Variants in CEP89 observed in about 807,000 individuals in gnomAD.
CEP89 encodes the protein centrosomal protein 89, also known as centrosomal protein of 89 kDa.
In CEP89, 95 loss-of-function variants were observed where a neutral mutation model predicts 97.6. The observed-to-expected ratio is 0.97, with a 90% CI of 0.82 to 1.15. The LOEUF (loss-of-function observed/expected upper bound fraction) is 1.15. Among genes scored for constraint, CEP89 ranks in the 50% most tolerant of loss-of-function variants. The pLI is 0.00. For synonymous variants in CEP89, 354 were observed against 349.1 expected, an observed-to-expected ratio of 1.01 and a Z score of -0.16; for missense variants, 869 against 947.7, an observed-to-expected ratio of 0.92 and a Z score of 1.09.
At chr19:32,949,004 A>G (rs889302316) in intron 4 of CEP89, among the ~76,000 whole-genome samples, 1 of 152,174 alleles carries the variant, frequency 6.6e-6, no homozygotes, top group African/African-American at 2.4e-5. Flanking sequence ...CAGGGATTAC[A>G]GATGACAGCC....
chr19:32,926,883 T>A (rs766793824), intron 10 of CEP89, 51 bp downstream of exon 10: 5 of 1,540,492 alleles, frequency 3.2e-6, no homozygotes, highest in Non-Finnish European at 4.5e-6. Flanking sequence ...TTAATAGCTA[T>A]GCAAATATAC....
chr19:32,967,555 G>T (rs1599788830), intron 1 of CEP89, among the ~76,000 whole-genome samples: 1 of 144,230 alleles, frequency 6.9e-6, no homozygotes, highest in Non-Finnish European at 1.5e-5. Flanking sequence ...AAACACTATT[G>T]TTTTCTATTT....
At chr19:32,898,144 G>A (rs1373934185) in intron 16 of CEP89, among the ~76,000 whole-genome samples, 1 of 152,040 alleles carries the variant, frequency 6.6e-6, no homozygotes, top group East Asian at 1.9e-4. Context: ...TCCATCAATG[G>A]ACAAACAGAT....
At chr19:32,943,777 C>T (rs574247306) in intron 5 of CEP89, among the ~76,000 whole-genome samples, 1 of 152,160 alleles carries the variant, frequency 6.6e-6, no homozygotes, top group East Asian at 1.9e-4. Context: ...AGCAGAGTAG[C>T]TGGAAAGCAG....
chr19:32,890,983 G>A (rs908716716), intron 16 of CEP89, among the ~76,000 whole-genome samples: 4 of 152,146 alleles, frequency 2.6e-5, no homozygotes, highest in Non-Finnish European at 5.9e-5. Flanking sequence ...AGGCTGCAGC[G>A]GCGAGGCACC....
intron 10 of CEP89, 65 bp downstream of exon 10, chr19:32,926,869 G>GT: frequency 2.0e-6 from 3 of 1,465,842 alleles, no homozygotes; most frequent in Non-Finnish European, 2.9e-6. Flanking sequence ...GCCTGAAATG[G>GT]TTTTTAATAG....
Position 32,933,597 on chromosome 19 carries a change from T to A in CEP89, c.740A>T (p.Asn247Ile), listed in dbSNP as rs764598493. ...TTGATTCATATTGTTTAGGTCCATA[T>A]TTTCTTCTTTTAATGCCTCAAACTT... ...REKFEALKEE[N>I]MDLNNMNQSL... The change falls in exon 8 of 19, where the codon AAT (asparagine) becomes ATT (isoleucine). Residue 247 changes from asparagine to isoleucine, a missense_variant. Asn to Ile is a moderately radical substitution (Grantham distance 149). Transcript: ENST00000305768. 1.9e-6 allele frequency: 3 copies of A among 1,613,486 alleles called. No individual in the cohort carries two copies. In the Admixed American group the frequency reaches 5.0e-5, roughly 27 times the overall value.
At chr19:32,895,874 T>C (rs891936714) in intron 16 of CEP89, among the ~76,000 whole-genome samples, 1 of 151,988 alleles carries the variant, frequency 6.6e-6, no homozygotes, top group African/African-American at 2.4e-5. Context: ...CCATTTACAA[T>C]AGCTACAAAA....
chr19:32,879,761 T>G (rs1969241028), intron 18 of CEP89, among the ~76,000 whole-genome samples: 3 of 152,228 alleles, frequency 2.0e-5, no homozygotes, highest in African/African-American at 7.2e-5. Context: ...GGGCTGGCCT[T>G]GGCCAGCCAG....
intron 3 of CEP89, among the ~76,000 whole-genome samples, chr19:32,959,061 C>A (rs1197263345): frequency 3.4e-5 from 5 of 145,844 alleles, no homozygotes; most frequent in Admixed American, 6.9e-5. Flanking sequence ...AAAAAAAAAA[C>A]AGACAAATGT....
intron 16 of CEP89, among the ~76,000 whole-genome samples, chr19:32,896,595 A>G (rs1364794712): frequency 6.6e-6 from 1 of 152,184 alleles, no homozygotes; most frequent in Non-Finnish European, 1.5e-5. Flanking sequence ...CACAGGCAAC[A>G]AAAACAAAAA....
chr19:32,970,880 G>A (rs529711587), intron 1 of CEP89: 2 of 152,284 alleles, frequency 1.3e-5, no homozygotes, highest in East Asian at 3.9e-4. Context: ...AAATACCTAG[G>A]TGTGGTGGTG....
At chr19:32,926,906 G>A in intron 10 of CEP89, 28 bp downstream of exon 10, 1 of 1,601,358 alleles carries the variant, frequency 6.2e-7, no homozygotes, top group Non-Finnish European at 8.6e-7. Flanking sequence ...TGAAAATATG[G>A]GCCTGAAATT....
In CEP89 at chr19:32,881,830, G is replaced by T. The variant is rs369134263; in HGVS notation, c.2135+14C>A. 419 of 1,592,522 alleles carry T rather than the reference G, an allele frequency of 2.6e-4. No individual in the cohort carries two copies. Among genetic ancestry groups the T allele is most frequent in the South Asian group, 6.0e-4 (54 of 89,266 alleles). On this transcript the variant is annotated intron_variant, in intron 18 of 18. Transcript: ENST00000305768. ...GACATCTCTGCGGGCCATGGCGCAG[G>T]GCGCATGCCCCACCTGTTCTGCTGC...
chr19:32,927,102 A>G, intron 9 of CEP89, 118 bp from the exon 10 acceptor site: 1 of 900,472 alleles, frequency 1.1e-6, no homozygotes, highest in East Asian at 2.7e-5. Context: ...CTGTCTATCC[A>G]TCTGCCTACC....
chr19:32,947,947 T>G (rs548922842), intron 5 of CEP89, among the ~76,000 whole-genome samples: 1 of 152,290 alleles, frequency 6.6e-6, no homozygotes, highest in East Asian at 1.9e-4. Context: ...ACTGTAGGCG[T>G]GCACCACCTT....
rs371398482 is a variant in CEP89 at position 32,899,958 on chromosome 19, C to A, written c.1774G>T (p.Glu592Ter). Residue 592 changes from glutamate to a stop codon, truncating the protein, a stop_gained, in exon 16 of 19, where the codon GAA (glutamate) becomes TAA (stop). Transcript: ENST00000305768. LOFTEE classifies it high-confidence loss of function. ...KKIEVLKKQVEKAMGNEMSAH... is the reference protein window; with the variant it reads ...KKIEVLKKQV Reference sequence around the variant, plus strand: ...GACATTTCGTTCCCCATGGCTTTTTCCACCTGCTTTTTGAGGACCTCAATT... The same window carrying A: ...GACATTTCGTTCCCCATGGCTTTTTACACCTGCTTTTTGAGGACCTCAATT... 1.9e-6 allele frequency: 3 copies of A among 1,613,982 alleles called. No homozygotes were observed. Among genetic ancestry groups the A allele is most frequent in the Middle Eastern group, 1.6e-4 (1 of 6,084 alleles).
In CEP89 at chr19:32,888,194, C is replaced by T. The variant is rs2145872903; in HGVS notation, c.1876-353G>A. On this transcript the variant is annotated intron_variant, in intron 16 of 18. Transcript: ENST00000305768. ...GAATAAGTGCCAAGAGGCCAATCAA[C>T]TCATAACTTGACTCATTTGAACAAT... 1.3e-5 allele frequency among the ~76,000 whole-genome samples: 2 copies of T among 152,318 alleles called. 1 individual carries two copies. The highest frequency in any genetic ancestry group is 4.1e-4 in the South Asian group (2 of 4,830).
chr19:32,932,025 C>T (rs1002782326), intron 8 of CEP89, among the ~76,000 whole-genome samples: 6 of 151,940 alleles, frequency 3.9e-5, no homozygotes, highest in African/African-American at 1.4e-4. Context: ...ACTAAATATA[C>T]AAAAAATTAG....
Sources: allele counts gnomAD v4.1 joint callset (sites outside exome capture counted in the v4.1 genomes callset), GRCh38; gene constraint gnomAD v4.1.1; transcripts MANE v1.5; gene names NCBI Gene and HGNC (gene_info 2026-07-23, HGNC 2026-07-21).